The following RASIP1 variants were observed in gnomAD, a reference collection of about 807,000 sequenced individuals.
RASIP1 encodes Ras interacting protein 1.
A neutral mutation model predicts 85.3 loss-of-function variants in RASIP1; 20 were observed. The observed-to-expected ratio is 0.23, with a 90% CI of 0.17 to 0.34. The LOEUF is 0.34. Ranked by LOEUF, RASIP1 falls within the 10% of genes least tolerant of loss-of-function variation. RASIP1 has a pLI of 1.00. For missense variants in RASIP1, 1,170 were observed against 1,390.9 expected (o/e 0.84, Z 2.53); for synonymous variants, 617 against 647.1 (o/e 0.95, Z 0.71).
intron 4 of RASIP1, among the ~76,000 whole-genome samples, chr19:48,734,409 G>A (rs2033526137): frequency 6.6e-6 from 1 of 151,354 alleles, no homozygotes; most frequent in Non-Finnish European, 1.5e-5. Flanking sequence ...GACCTCCTGA[G>A]CTCAAGAGAT....
intron 3 of RASIP1, chr19:48,737,417 G>A: frequency 1.0e-6 from 1 of 973,586 alleles, no homozygotes; most frequent in Non-Finnish European, 1.2e-6. Context: ...CCTGCCAGGC[G>A]CGGTCCACCA....
chr19:48,724,387 G>A lies in RASIP1; in HGVS notation c.2494C>T (p.Leu832Phe). 1 of 1,614,204 alleles carries A rather than the reference G, an allele frequency of 6.2e-7. No homozygotes were observed. The highest frequency in any genetic ancestry group is 2.2e-5 in the East Asian group (1 of 44,882). Residue 832 changes from leucine (L) to phenylalanine (F), a missense_variant, in exon 10 of 12, where the codon CTC becomes TTC. This residue lies in a region of RASIP1 where 426 missense variants were observed against 576.2 expected (regional missense o/e 0.74). Coordinates refer to ENST00000222145, the MANE Select transcript of RASIP1 (RefSeq NM_017805.3). This position sits in a 1 kb window ranked among gnomAD's most constrained non-coding sequence, Gnocchi z 4.6. Reference sequence around the variant, plus strand: ...CAGAGCAGGTTCACAGCCATGGAGAGTTTCCGGAAGAACTCAGTGGCAATG... The same window carrying A: ...CAGAGCAGGTTCACAGCCATGGAGAATTTCCGGAAGAACTCAGTGGCAATG... ...GDIATEFFRK[L>F]SMAVNLLCVP...
chr19:48,730,052 G>A (rs2033425151), intron 4 of RASIP1, among the ~76,000 whole-genome samples: 1 of 151,984 alleles, frequency 6.6e-6, no homozygotes, highest in African/African-American at 2.4e-5. Flanking sequence ...AGGAGATCTG[G>A]ATCTCAAAGG....
chr19:48,722,131 T>C (rs926766163), intron 10 of RASIP1, 130 bp from the exon 11 acceptor site: 1 of 890,856 alleles, frequency 1.1e-6, no homozygotes, highest in Non-Finnish European at 1.5e-6. Context: ...TTCTGGGCAC[T>C]GTGAAGTCTG....
Position 48,724,877 on chromosome 19 carries a change from C to G in RASIP1, c.2211G>C (p.Leu737=). The change falls in exon 9 of 12, where the codon CTG becomes CTC. Residue 737 remains leucine, a synonymous_variant. Coordinates refer to ENST00000222145, the MANE Select transcript of RASIP1 (RefSeq NM_017805.3). The surrounding 1 kb of genome is among the most constrained non-coding windows in gnomAD (Gnocchi z 4.6). ...GTCTCAATCCTGGAGGCATGGCCCC[C>G]AGCTCCGCGCCAGGCCCCGGCAGCT... ...GAELPGPGAE[L]GAMPPGLRPT... is the part of the protein sequence containing the mutation. 3 of 1,614,276 alleles carry G rather than the reference C, an allele frequency of 1.9e-6. No individual in the cohort carries two copies. The highest frequency in any genetic ancestry group is 2.5e-6 in the Non-Finnish European group (3 of 1,180,054).
At chr19:48,725,060 T>G (rs1297772729) in intron 8 of RASIP1, 100 bp from the exon 9 acceptor site, 1 of 1,426,080 alleles carries the variant, frequency 7.0e-7, no homozygotes, top group East Asian at 2.3e-5. Flanking sequence ...CACCAAAGTC[T>G]TCTGGGAGTT....
At chr19:48,725,537 G>C (rs1213118009) in intron 8 of RASIP1, 1 of 152,756 alleles carries the variant, frequency 6.5e-6, no homozygotes. Context: ...CCATAAGCCA[G>C]AAACCCTGAG....
chr19:48,727,229 G>A (rs2033357468), intron 6 of RASIP1, 71 bp from the exon 7 acceptor site: 8 of 1,591,112 alleles, frequency 5.0e-6, no homozygotes, highest in Non-Finnish European at 6.0e-6. Context: ...CAAGATCTAA[G>A]TCTAAGTGGG....
At chr19:48,721,802 C>A in intron 11 of RASIP1, 52 bp downstream of exon 11, 1 of 1,544,062 alleles carries the variant, frequency 6.5e-7, no homozygotes, top group Non-Finnish European at 8.7e-7. Context: ...GACTCCGTCT[C>A]AAAAGAAGAA....
Position 48,728,995 on chromosome 19 carries a change from A to G in RASIP1, c.1775T>C (p.Leu592Pro), listed in dbSNP as rs2033395149. 1 of 1,453,774 alleles carries G rather than the reference A, an allele frequency of 6.9e-7. No homozygotes were observed. 90.1% of individuals were successfully genotyped at this position (1,453,774 alleles called of 1,614,324 possible). Residue 592 changes from leucine (L) to proline (P), a missense_variant, in exon 5 of 12, where the codon CTG becomes CCG. Around this residue, in one of 4 missense-constraint regions of RASIP1, gnomAD observed 426 missense variants for 576.2 expected, o/e 0.74. Coordinates refer to ENST00000222145, the MANE Select transcript of RASIP1 (RefSeq NM_017805.3). The part of the protein sequence containing the change: ...CVQHSARELE[L>P]GHLPRLLGRL... ...GCCCAGCAGTCGTGGCAGGTGGCCC[A>G]GCTCCAGCTCACGGGCGGAATGCTG...
At chr19:48,728,772 G>GCAAA (rs147766034) in intron 5 of RASIP1, among the ~76,000 whole-genome samples, 165 bp downstream of exon 5, 64,591 of 151,176 alleles carry the variant, frequency 0.43, 14,465 homozygotes, top group East Asian at 0.85. Flanking sequence ...AAAAACAAAA[G>GCAAA]CAAACAAACA....
At chr19:48,727,466 G>A (rs754109051) in intron 5 of RASIP1, 36 bp from the exon 6 acceptor site, 3 of 1,602,280 alleles carry the variant, frequency 1.9e-6, no homozygotes, top group Non-Finnish European at 2.6e-6. Flanking sequence ...AGGTGAGGGG[G>A]ATCCACTGAG....
In RASIP1 at chr19:48,738,860, A is replaced by G; in HGVS notation, c.823+100T>C. The stretch of plus-strand genomic sequence containing the variant: ...GTCCCCTCCCGCGGGCCCCGCCCCC[A>G]GCCAGCCCGCGAGTCCCACAAGCCC... On this transcript the variant is annotated intron_variant, in intron 3 of 11. Coordinates refer to ENST00000222145, the MANE Select transcript of RASIP1 (RefSeq NM_017805.3). The surrounding 1 kb of genome is among the most constrained non-coding windows in gnomAD (Gnocchi z 4.0). The G allele has an allele frequency of 5.8e-6, 3 of 513,368 alleles. No homozygotes were observed. The highest frequency in any genetic ancestry group is 6.7e-6 in the Non-Finnish European group (3 of 447,936). 31.8% of individuals were successfully genotyped at this position (513,368 alleles called of 1,614,324 possible).
At chr19:48,727,299 C>T in intron 6 of RASIP1, 94 bp downstream of exon 6, 3 of 1,549,410 alleles carry the variant, frequency 1.9e-6, no homozygotes, top group East Asian at 2.3e-5. Context: ...GAAGCAGAAA[C>T]TTGCACTGGG....
intron 4 of RASIP1, among the ~76,000 whole-genome samples, chr19:48,732,064 C>CTTT (rs11311120): frequency 1.4e-5 from 2 of 143,960 alleles, no homozygotes; most frequent in Non-Finnish European, 1.5e-5. Context: ...TTTTTAATCT[C>CTTT]TTTTTTTTTT....
intron 5 of RASIP1, 84 bp from the exon 6 acceptor site, chr19:48,727,514 C>G: frequency 7.0e-7 from 1 of 1,419,698 alleles, no homozygotes; most frequent in Admixed American, 1.8e-5. Flanking sequence ...TATAGAAGCA[C>G]AACTCTCATA....
chr19:48,736,636 G>A (rs936830766), intron 3 of RASIP1, among the ~76,000 whole-genome samples: 1 of 152,164 alleles, frequency 6.6e-6, no homozygotes, highest in Non-Finnish European at 1.5e-5. Flanking sequence ...AAGGGGAAAT[G>A]AGCTGAATGA....
Position 48,739,536 on chromosome 19 carries a change from C to T in RASIP1, c.247G>A (p.Gly83Ser). The change falls in exon 3 of 12, where the codon GGT becomes AGT. Residue 83 changes from glycine (G) to serine (S), a missense_variant. Physicochemically the swap from Gly to Ser is moderately conservative, Grantham distance 56. Around this residue, in one of 4 missense-constraint regions of RASIP1, gnomAD observed 299 missense variants for 394.4 expected, o/e 0.76. Coordinates refer to ENST00000222145, the MANE Select transcript of RASIP1 (RefSeq NM_017805.3). The surrounding 1 kb of genome is among the most constrained non-coding windows in gnomAD (Gnocchi z 9.2). ...GAVKAAGGASGSRAKRISQLF... is the reference protein window; with the variant it reads ...GAVKAAGGASSSRAKRISQLF... ...TGGGAGATGCGCTTGGCGCGGCTAC[C>T]GGAGGCTCCCCCGGCCGCCTTGACA... 6.6e-7 allele frequency: 1 copy of T among 1,515,914 alleles called. No individual in the cohort carries two copies. Among genetic ancestry groups the T allele is most frequent in the Non-Finnish European group, 8.8e-7 (1 of 1,136,770 alleles). The allele number at this position is 1,515,914 out of a possible 1,614,324, so 93.9% of individuals were successfully genotyped here.
intron 5 of RASIP1, 118 bp from the exon 6 acceptor site, chr19:48,727,548 A>G: frequency 9.0e-7 from 1 of 1,109,770 alleles, no homozygotes; most frequent in Admixed American, 2.1e-5. Flanking sequence ...CTTTTCTTAG[A>G]GATGGGGTCT....
Sources: gnomAD v4.1 joint callset for allele counts (sites outside exome capture counted in the v4.1 genomes callset) on GRCh38, gnomAD v4.1.1 for gene constraint, gnomAD v4.1.1 regional missense constraint, Gnocchi (gnomAD v3.1) non-coding constraint, MANE v1.5 for transcripts, NCBI Gene and HGNC (gene_info 2026-07-23, HGNC 2026-07-21) for gene names.